CROT: variants seen among roughly 807,000 people sequenced by gnomAD.
CROT encodes the protein peroxisomal carnitine O-octanoyltransferase.
In CROT, 84 loss-of-function variants were observed where a neutral mutation model predicts 89.2. The observed-to-expected ratio is 0.94, with a 90% CI of 0.79 to 1.13. The LOEUF (loss-of-function observed/expected upper bound fraction) is 1.13, where lower values mean the gene tolerates loss of function less well. Among genes scored for constraint, CROT ranks in the 50% most tolerant of loss-of-function variants. CROT has a pLI of 0.00. For synonymous variants in CROT, 212 were observed against 239.5 expected (o/e 0.89, Z 1.06); for missense variants, 711 against 727.8 (o/e 0.98, Z 0.27).
chr7:87,347,027 T>G (rs1365745235), intron 2 of CROT, among the ~76,000 whole-genome samples: 14 of 152,240 alleles, frequency 9.2e-5, no homozygotes, highest in Non-Finnish European at 1.8e-4. Context: ...TTTGTCAGCC[T>G]GAGCCTCTTT....
chr7:87,390,350 C>G (rs1001805067), intron 13 of CROT, among the ~76,000 whole-genome samples: 5 of 152,218 alleles, frequency 3.3e-5, no homozygotes, highest in African/African-American at 1.2e-4. Context: ...AAGATCATTG[C>G]TAAGGTTCAT....
intron 17 of CROT, among the ~76,000 whole-genome samples, chr7:87,397,563 A>G (rs935938661): frequency 2.0e-5 from 3 of 152,194 alleles, no homozygotes; most frequent in Admixed American, 6.5e-5. Flanking sequence ...GTGGAGAGAA[A>G]CATGTTTAGA....
intron 14 of CROT, among the ~76,000 whole-genome samples, 164 bp from the exon 15 acceptor site, chr7:87,392,402 G>A (rs931041348): frequency 6.6e-6 from 1 of 152,116 alleles, no homozygotes; most frequent in Non-Finnish European, 1.5e-5. Context: ...AAGACTAGGC[G>A]ATAGAATAAC....
At chr7:87,396,492 G>A (rs1807526638) in intron 17 of CROT, among the ~76,000 whole-genome samples, 1 of 152,102 alleles carries the variant, frequency 6.6e-6, no homozygotes, top group African/African-American at 2.4e-5. Flanking sequence ...TATGATAGGA[G>A]CATTGAAACT....
chr7:87,356,751 A>G (rs919957907), intron 3 of CROT, among the ~76,000 whole-genome samples: 2 of 152,222 alleles, frequency 1.3e-5, no homozygotes, highest in African/African-American at 2.4e-5. Context: ...GGCTGGGCAC[A>G]GTGGCTCACG....
chr7:87,392,494 T>G, intron 14 of CROT, 72 bp from the exon 15 acceptor site: 165 of 1,186,908 alleles, frequency 1.4e-4, no homozygotes, highest in Middle Eastern at 2.0e-4. Context: ...CTAATTACAA[T>G]GAGCTTAGGA....
In CROT at chr7:87,349,165, A is replaced by C; in HGVS notation, c.97A>C (p.Lys33Gln). The change falls in exon 3 of 18, where the codon AAA becomes CAA. Residue 33 changes from lysine (K) to glutamine (Q), a missense_variant. Transcript: ENST00000331536. ...LPVPSLEESL[K>Q]KYLESVKPFA... ...TGTTCCTTCACTTGAAGAATCATTA[A>C]AAAAATACCTTGAATCAGGTATGTT... The C allele has an allele frequency of 6.4e-7, 1 of 1,567,742 alleles. No homozygotes were observed. Among genetic ancestry groups the C allele is most frequent in the Non-Finnish European group, 8.7e-7 (1 of 1,143,582 alleles).
intron 3 of CROT, chr7:87,357,455 G>T (rs372631253): frequency 1.3e-6 from 2 of 1,550,936 alleles, no homozygotes; most frequent in African/African-American, 2.7e-5. Context: ...AATTAGTGCT[G>T]TGCAGGCTGA....
At chr7:87,347,623 A>T (rs1805728563) in intron 2 of CROT, among the ~76,000 whole-genome samples, 1 of 152,220 alleles carries the variant, frequency 6.6e-6, no homozygotes, top group Non-Finnish European at 1.5e-5. Context: ...TTATCTCTTT[A>T]TATTAGTGGT....
At chr7:87,388,791 T>C (rs1807263018) in intron 13 of CROT, among the ~76,000 whole-genome samples, 1 of 152,096 alleles carries the variant, frequency 6.6e-6, no homozygotes, top group African/African-American at 2.4e-5. Flanking sequence ...CTAATTAAAC[T>C]AAAGAGCTTC....
chr7:87,359,300 G>T lies in CROT; in HGVS notation c.210G>T (p.Leu70Phe), dbSNP rs762517024. The T allele has an allele frequency of 7.5e-6, 12 of 1,600,370 alleles. No homozygotes were observed. Among genetic ancestry groups the T allele is most frequent in the Non-Finnish European group, 8.6e-6 (10 of 1,169,506 alleles). ...SGIGEKLHQK[L>F]LERAKGKRNW... The stretch of plus-strand genomic sequence containing the variant: ...TTGGAGAAAAATTGCACCAGAAATT[G>T]CTTGAAAGAGCAAAAGGAAAAAGAA... The change falls in exon 4 of 18, where the codon TTG becomes TTT. Residue 70 changes from leucine (L) to phenylalanine (F), a missense_variant. By Grantham distance (22) the Leu-to-Phe change is conservative. Transcript: ENST00000331536.
At chr7:87,376,661 A>G (rs1215759419) in intron 9 of CROT, among the ~76,000 whole-genome samples, 3 of 151,216 alleles carry the variant, frequency 2.0e-5, no homozygotes, top group African/African-American at 7.3e-5. Context: ...GAATCACCAG[A>G]CTTCTTTTTA....
intron 6 of CROT, among the ~76,000 whole-genome samples, chr7:87,366,095 C>T (rs1182439660): frequency 2.0e-5 from 3 of 152,196 alleles, no homozygotes; most frequent in Non-Finnish European, 4.4e-5. Flanking sequence ...GATCTACCCT[C>T]ACGACTTCCC....
intron 3 of CROT, chr7:87,357,653 G>A: frequency 1.4e-6 from 1 of 726,834 alleles, no homozygotes; most frequent in South Asian, 1.5e-5. Flanking sequence ...GCGGAGTAGA[G>A]CGTCCTCAGA....
intron 6 of CROT, 61 bp downstream of exon 6, chr7:87,361,913 G>C: frequency 7.0e-7 from 1 of 1,428,630 alleles, no homozygotes; most frequent in Non-Finnish European, 9.4e-7. Flanking sequence ...AGCCTACTAT[G>C]ACGTGATGGA....
rs1374816896 is a variant in CROT at position 87,382,178 on chromosome 7, G to A, written c.1167G>A (p.Arg389=). 8.1e-6 allele frequency: 13 copies of A among 1,598,552 alleles called. No homozygotes were observed. ...ACCAAGCTAAAGCCCAGTATCTCAG[G>A]GAGGTATATTTTTCACTTTTCTCTT... ...DINQAKAQYL[R]EASDLQIAAY... Residue 389 remains arginine, a synonymous_variant, in exon 12 of 18, where the codon AGG becomes AGA. Coordinates refer to ENST00000331536, the MANE Select transcript of CROT (RefSeq NM_021151.4).
intron 10 of CROT, among the ~76,000 whole-genome samples, chr7:87,381,007 A>T (rs1333296479): frequency 6.6e-6 from 1 of 152,180 alleles, no homozygotes; most frequent in Non-Finnish European, 1.5e-5. Flanking sequence ...CTGGTTGGTA[A>T]CAATAAATCC....
intron 13 of CROT, among the ~76,000 whole-genome samples, chr7:87,386,567 A>G (rs1299588273): frequency 1.3e-5 from 2 of 152,106 alleles, no homozygotes; most frequent in African/African-American, 4.8e-5. Context: ...TTCTACCTAC[A>G]GATTTGTCAA....
chr7:87,396,092 T>C (rs1318437568), intron 17 of CROT, among the ~76,000 whole-genome samples: 1 of 152,072 alleles, frequency 6.6e-6, no homozygotes, highest in African/African-American at 2.4e-5. Context: ...ATGAAAGAGA[T>C]TGTCGATATG....
Sources: gnomAD v4.1 joint callset for allele counts (sites outside exome capture counted in the v4.1 genomes callset) on GRCh38, gnomAD v4.1.1 for gene constraint, MANE v1.5 for transcripts, NCBI Gene and HGNC (gene_info 2026-07-23, HGNC 2026-07-21) for gene names.